The following NFIC variants were observed in gnomAD, a reference collection of about 807,000 sequenced individuals.
NFIC encodes nuclear factor I C.
NFIC carries 12 observed loss-of-function variants against 54.4 expected under a neutral mutation model. That is an observed-to-expected ratio of 0.22 (90% CI 0.14 to 0.36). The LOEUF (loss-of-function observed/expected upper bound fraction) is 0.36. Ranked by LOEUF, NFIC falls within the 10% of genes least tolerant of loss-of-function variation. NFIC has a pLI of 1.00. For missense variants in NFIC, 575 were observed against 718.2 expected, an observed-to-expected ratio of 0.80 and a Z score of 2.28; for synonymous variants, 322 against 319.2, an observed-to-expected ratio of 1.01 and a Z score of -0.09.
chr19:3,394,531 C>CCCCCCCT (rs1192097514), intron 2 of NFIC, among the ~76,000 whole-genome samples: 2 of 48,986 alleles, frequency 4.1e-5, no homozygotes, highest in Admixed American at 4.5e-4. Flanking sequence ...CCACCCCCCA[C>CCCCCCCT]CCGCTTACAC....
In NFIC at chr19:3,425,134, A is replaced by G; in HGVS notation, c.591A>G (p.Thr197=). Residue 197 remains threonine (T), a synonymous_variant, in exon 3 of 11, where the codon ACA becomes ACG. Transcript: ENST00000443272. The part of the protein sequence containing the change: ...RDAEQSGSPR[T]GMGSDQEDSK... The stretch of plus-strand genomic sequence containing the variant: ...CAGAGCAAAGCGGCAGTCCCCGGAC[A>G]GGGATGGGCTCTGACCAGGAGGACA... 6.2e-7 allele frequency: 1 copy of G among 1,613,232 alleles called. No homozygotes were observed. Among genetic ancestry groups the G allele is most frequent in the Non-Finnish European group, 8.5e-7 (1 of 1,179,952 alleles).
chr19:3,360,555 T>C (rs1405759772), intron 1 of NFIC, among the ~76,000 whole-genome samples: 4 of 151,710 alleles, frequency 2.6e-5, no homozygotes, highest in Non-Finnish European at 5.9e-5. Context: ...GTCTGGGGTG[T>C]GCGCGGCGGG....
rs1599566270 is a variant in NFIC, at chr19:3,375,606, C to T, written c.31-6106C>T. Among the ~76,000 whole-genome samples, 1 of 152,236 alleles carries T rather than the reference C, an allele frequency of 6.6e-6. No individual in the cohort carries two copies. The highest frequency in any genetic ancestry group is 1.5e-5 in the Non-Finnish European group (1 of 68,044). On this transcript the variant is annotated intron_variant, in intron 1 of 10. Coordinates refer to ENST00000443272, the MANE Select transcript of NFIC (RefSeq NM_001245002.2). This position sits in a 1 kb window ranked among gnomAD's most constrained non-coding sequence, Gnocchi z 4.6. ...AAGGGCCCTGAGGTCCGGTCCCCGCCGCAGCTGTTACGGTGACTCACGCTT... is the reference window on the plus strand; with the variant it reads ...AAGGGCCCTGAGGTCCGGTCCCCGCTGCAGCTGTTACGGTGACTCACGCTT...
rs569169673 is a variant in NFIC, at chr19:3,390,067, C to T, written c.562+7824C>T. ...ACCCCAGGAGGGAAGGAGGGAGGTC[C>T]CAGTGCCGCCGTGAAACCCTACACC... On this transcript the variant is annotated intron_variant, in intron 2 of 10. Transcript: ENST00000443272. Among the ~76,000 whole-genome samples the T allele has an allele frequency of 5.3e-5, 8 of 152,288 alleles. No homozygotes were observed. The South Asian group carries it at 1.7e-3, about 32-fold the overall frequency.
At position 3,435,105 on chromosome 19, in the gene NFIC, T is replaced by C; in HGVS notation, c.856T>C (p.Ser286Pro). Residue 286 changes from serine (S) to proline (P), a missense_variant, in exon 6 of 11, where the codon TCG (serine) becomes CCG (proline). Transcript: ENST00000443272. ...AAGGAGCAAGCGGCACAAATCGGGC[T>C]CGATGGAGGAAGACGTGGACACGAG... ...SSGSKRHKSG[S>P]MEEDVDTSPG... 1.2e-6 allele frequency: 2 copies of C among 1,604,418 alleles called. No homozygotes were observed. The highest frequency in any genetic ancestry group is 1.7e-6 in the Non-Finnish European group (2 of 1,175,144).
At position 3,467,186 on chromosome 19, in the gene NFIC, T is replaced by G. The variant is rs2082727320; in HGVS notation, c.*4417T>G. On this transcript the variant is annotated 3_prime_UTR_variant, in exon 11 of 11. Transcript: ENST00000443272. ...TCTGGAAGCCCCCATCACCCACCCC[T>G]GCTATGGACACCACACCTATGCCAG... The G allele has an allele frequency of 8.6e-6, 1 of 116,748 alleles. No homozygotes were observed. The highest frequency in any genetic ancestry group is 1.8e-5 in the Non-Finnish European group (1 of 56,610). 7.2% of individuals were successfully genotyped at this position (116,748 alleles called of 1,614,324 possible). A position where few individuals can be genotyped will look rare whatever the true frequency, so the allele number is the denominator to read the frequency against.
chr19:3,435,315 C>T (rs1472107507), intron 6 of NFIC, 108 bp downstream of exon 6: 1 of 1,405,962 alleles, frequency 7.1e-7, no homozygotes, highest in Non-Finnish European at 9.4e-7. Flanking sequence ...GGAAGCCGGC[C>T]TGGAGCCGCG....
chr19:3,390,914 A>T (rs2081367624), intron 2 of NFIC, among the ~76,000 whole-genome samples: 1 of 151,954 alleles, frequency 6.6e-6, no homozygotes, highest in African/African-American at 2.4e-5. Flanking sequence ...TCAGTTTGGG[A>T]AGATGAGAAG....
chr19:3,436,303 C>A (rs971703930), intron 6 of NFIC, among the ~76,000 whole-genome samples: 2 of 136,844 alleles, frequency 1.5e-5, no homozygotes, highest in African/African-American at 5.5e-5. Context: ...CTGCCATGCG[C>A]CGTTAATTTT....
At position 3,437,645 on chromosome 19, in the gene NFIC, AAAAG is replaced by A. The variant is rs1184958274; in HGVS notation, c.958+2442_958+2445del. Reference sequence around the variant, plus strand: ...AACGAGACTATGTCTCAAAAAAAAAAAAAGAAAAAAAAAGTCACTTCTGTTTCGT... The same window carrying A: ...AACGAGACTATGTCTCAAAAAAAAAAAAAAAAAAAGTCACTTCTGTTTCGT... On this transcript the variant is annotated intron_variant, in intron 6 of 10. Coordinates refer to ENST00000443272, the MANE Select transcript of NFIC (RefSeq NM_001245002.2). 1.9e-3 allele frequency among the ~76,000 whole-genome samples: 275 copies of A among 148,434 alleles called. 2 individuals are homozygous for A. Among genetic ancestry groups the A allele is most frequent in the South Asian group, 5.3e-3 (24 of 4,552 alleles).
At chr19:3,427,646 T>C (rs1041738709) in intron 3 of NFIC, among the ~76,000 whole-genome samples, 17 of 150,262 alleles carry the variant, frequency 1.1e-4, no homozygotes, top group African/African-American at 4.2e-4. Context: ...CTGACCAACA[T>C]GGTGAAACCG....
At chr19:3,414,112 G>C (rs1394224223) in intron 2 of NFIC, among the ~76,000 whole-genome samples, 2 of 152,102 alleles carry the variant, frequency 1.3e-5, no homozygotes, top group African/African-American at 4.8e-5. Context: ...TGGCAACATA[G>C]TGCAGCTCCA....
chr19:3,380,742 C>T (rs1431504754), intron 1 of NFIC, among the ~76,000 whole-genome samples: 1 of 151,702 alleles, frequency 6.6e-6, no homozygotes, highest in East Asian at 1.9e-4. Context: ...AATGATCCTC[C>T]CACCCCAGCC....
intron 6 of NFIC, among the ~76,000 whole-genome samples, chr19:3,435,748 C>G (rs1471299326): frequency 6.6e-6 from 1 of 152,040 alleles, no homozygotes; most frequent in Non-Finnish European, 1.5e-5. Context: ...CCCATGGCGT[C>G]GTTTTCTAGG....
chr19:3,372,782 A>G (rs1211610013), intron 1 of NFIC, among the ~76,000 whole-genome samples: 1 of 151,230 alleles, frequency 6.6e-6, no homozygotes, highest in Non-Finnish European at 1.5e-5. Context: ...CTTTGGTGGA[A>G]GATTTCATGC....
At position 3,381,963 on chromosome 19, in the gene NFIC, G is replaced by T; in HGVS notation, c.282G>T (p.Leu94=). ...CCGAGTGCCGCGAGGACTTCGTGCT[G>T]AGCATCACCGGCAAGAAGGCGCCGG... ...IRPECREDFV[L]SITGKKAPGC... is the part of the protein sequence containing the mutation. The change falls in exon 2 of 11, where the codon CTG becomes CTT. Residue 94 remains leucine, a synonymous_variant. Transcript: ENST00000443272. 6.2e-7 allele frequency: 1 copy of T among 1,613,530 alleles called. No homozygotes were observed. The highest frequency in any genetic ancestry group is 8.5e-7 in the Non-Finnish European group (1 of 1,179,918).
intron 2 of NFIC, among the ~76,000 whole-genome samples, chr19:3,385,508 C>T (rs1211462843): frequency 3.3e-5 from 5 of 150,970 alleles, no homozygotes; most frequent in South Asian, 2.1e-4. Context: ...TTATCCTCTT[C>T]GGGATTGGTT....
At chr19:3,445,021 A>G (rs1294520115) in intron 6 of NFIC, among the ~76,000 whole-genome samples, 1 of 149,502 alleles carries the variant, frequency 6.7e-6, no homozygotes, top group Non-Finnish European at 1.5e-5. Flanking sequence ...ACACGTGCAC[A>G]GGCATACACA....
intron 1 of NFIC, among the ~76,000 whole-genome samples, chr19:3,359,961 G>T (rs943071371): frequency 1.5e-4 from 22 of 150,338 alleles, no homozygotes; most frequent in African/African-American, 5.1e-4. Context: ...GGAGGGCGGG[G>T]CTCCCCGGAG....
Sources: allele counts gnomAD v4.1 joint callset (sites outside exome capture counted in the v4.1 genomes callset), GRCh38; gene constraint gnomAD v4.1.1; non-coding constraint Gnocchi (gnomAD v3.1); transcripts MANE v1.5; gene names NCBI Gene and HGNC (gene_info 2026-07-23, HGNC 2026-07-21).